Variants in GALNTL6 observed in about 807,000 individuals in gnomAD.
GALNTL6 encodes polypeptide N-acetylgalactosaminyltransferase-like 6.
Under a neutral mutation model 73.7 loss-of-function variants are expected in GALNTL6, and 46 were observed. The observed-to-expected ratio is 0.62, with a 90% confidence interval of 0.49 to 0.80. GALNTL6 has a LOEUF of 0.80. Among genes scored for constraint, GALNTL6 ranks in the 30% least tolerant of loss-of-function variants. The pLI, the probability that GALNTL6 is intolerant of heterozygous loss-of-function variation, is 0.00. For synonymous variants in GALNTL6, 259 were observed against 263.7 expected, an observed-to-expected ratio of 0.98 and a Z score of 0.17; for missense variants, 604 against 755.0, an observed-to-expected ratio of 0.80 and a Z score of 2.34.
At chr4:172,222,259 T>C (rs764374456) in intron 2 of GALNTL6, among the ~76,000 whole-genome samples, 1 of 151,850 alleles carries the variant, frequency 6.6e-6, no homozygotes, top group Non-Finnish European at 1.5e-5. Flanking sequence ...AAAATCTCAT[T>C]AAAAAGTAGT....
At chr4:172,713,144 A>C (rs1281285347) in intron 5 of GALNTL6, among the ~76,000 whole-genome samples, 3 of 152,028 alleles carry the variant, frequency 2.0e-5, no homozygotes, top group African/African-American at 7.2e-5. Context: ...TATACAAGAA[A>C]TTTAATACTG....
intron 2 of GALNTL6, among the ~76,000 whole-genome samples, chr4:172,112,228 C>T (rs551889018): frequency 1.3e-5 from 2 of 152,094 alleles, no homozygotes; most frequent in East Asian, 3.9e-4. Context: ...GGCTTGATAG[C>T]TCACCTCTTT....
intron 2 of GALNTL6, among the ~76,000 whole-genome samples, chr4:172,183,884 C>T (rs980222598): frequency 2.0e-4 from 30 of 151,662 alleles, no homozygotes; most frequent in African/African-American, 7.0e-4. Flanking sequence ...CCTCCACCTC[C>T]CAGGTTCAAG....
At chr4:172,899,099 GGGAGCTTGGTTTTT>G (rs1746486541) in intron 8 of GALNTL6, among the ~76,000 whole-genome samples, 1 of 152,188 alleles carries the variant, frequency 6.6e-6, no homozygotes, top group Non-Finnish European at 1.5e-5. Context: ...AGCTCATTCA[GGGAGCTTGGTTTTT>G]GGAGACGTGA....
intron 2 of GALNTL6, among the ~76,000 whole-genome samples, chr4:172,199,970 AC>A: frequency 6.6e-6 from 1 of 152,304 alleles, no homozygotes; most frequent in East Asian, 1.9e-4. Context: ...CCCTTAAAAA[AC>A]ATCATTCCAA....
chr4:171,953,426 C>T (rs1265305213), intron 2 of GALNTL6, among the ~76,000 whole-genome samples: 1 of 151,946 alleles, frequency 6.6e-6, no homozygotes, highest in African/African-American at 2.4e-5. Flanking sequence ...AAACAGAACC[C>T]CTTATGTGTT....
At chr4:172,499,284 T>C (rs1156347127) in intron 5 of GALNTL6, among the ~76,000 whole-genome samples, 1 of 152,066 alleles carries the variant, frequency 6.6e-6, no homozygotes. Flanking sequence ...TATGACAGGA[T>C]TAGCACCTTA....
At chr4:171,894,239 T>A (rs1048566198) in intron 2 of GALNTL6, among the ~76,000 whole-genome samples, 1 of 152,240 alleles carries the variant, frequency 6.6e-6, no homozygotes, top group Admixed American at 6.5e-5. Flanking sequence ...TACCATGTGC[T>A]GCACTTGATT....
chr4:172,842,384 A>G (rs1232039255), intron 7 of GALNTL6, among the ~76,000 whole-genome samples: 1 of 152,178 alleles, frequency 6.6e-6, no homozygotes, highest in East Asian at 1.9e-4. Context: ...TAGATTACTT[A>G]AACAGAATTA....
chr4:172,497,815 A>C (rs1199695343), intron 5 of GALNTL6, among the ~76,000 whole-genome samples: 2 of 152,122 alleles, frequency 1.3e-5, no homozygotes, highest in Admixed American at 1.3e-4. Flanking sequence ...CTAAGTTGTC[A>C]CTTTCCTGTT....
intron 8 of GALNTL6, among the ~76,000 whole-genome samples, chr4:172,904,607 G>C (rs1017190779): frequency 2.0e-5 from 3 of 152,268 alleles, no homozygotes; most frequent in African/African-American, 7.2e-5. Context: ...CAGTCTTAGA[G>C]AGTTGGTCCT....
chr4:172,611,753 C>T (rs1041141558), intron 5 of GALNTL6, among the ~76,000 whole-genome samples: 1 of 152,060 alleles, frequency 6.6e-6, no homozygotes. Flanking sequence ...TGTAATCAGT[C>T]TACTCTTATC....
At chr4:172,881,830 G>T (rs1190398831) in intron 7 of GALNTL6, among the ~76,000 whole-genome samples, 1 of 152,114 alleles carries the variant, frequency 6.6e-6, no homozygotes, top group African/African-American at 2.4e-5. Context: ...CATTGAAACA[G>T]AAACAGTGTT....
intron 2 of GALNTL6, among the ~76,000 whole-genome samples, chr4:171,955,887 T>C (rs938442567): frequency 3.2e-4 from 48 of 152,318 alleles, no homozygotes; most frequent in African/African-American, 1.0e-3. Flanking sequence ...AGCTTTTCCT[T>C]ATGCAATTAG....
intron 2 of GALNTL6, among the ~76,000 whole-genome samples, chr4:171,954,842 T>A (rs1344789911): frequency 3.3e-5 from 5 of 152,112 alleles, no homozygotes; most frequent in Non-Finnish European, 7.4e-5. Flanking sequence ...TTTAAAAGTG[T>A]GCAGCACTTT....
At chr4:172,425,625 A>G (rs1731200924) in intron 5 of GALNTL6, among the ~76,000 whole-genome samples, 1 of 152,090 alleles carries the variant, frequency 6.6e-6, no homozygotes, top group Non-Finnish European at 1.5e-5. Flanking sequence ...AATAAGAGCA[A>G]ATAGTACCCT....
At chr4:172,269,187 A>G in intron 3 of GALNTL6, among the ~76,000 whole-genome samples, 1 of 152,188 alleles carries the variant, frequency 6.6e-6, no homozygotes, top group Non-Finnish European at 1.5e-5. Context: ...GAGCAAGTCT[A>G]GGCAGAGAGA....
intron 5 of GALNTL6, among the ~76,000 whole-genome samples, chr4:172,385,479 A>G (rs906715501): frequency 9.9e-5 from 15 of 152,176 alleles, no homozygotes; most frequent in African/African-American, 3.4e-4. Context: ...ATGTATTTAT[A>G]CTTGTTATGT....
chr4:173,011,872 G>T (rs995798204), intron 11 of GALNTL6, among the ~76,000 whole-genome samples: 4 of 152,162 alleles, frequency 2.6e-5, no homozygotes, highest in African/African-American at 4.8e-5. Flanking sequence ...AAAAGATAGT[G>T]GGCAAAATTG....
Sources: allele counts gnomAD v4.1 joint callset (sites outside exome capture counted in the v4.1 genomes callset), GRCh38; gene constraint gnomAD v4.1.1; transcripts MANE v1.5; gene names NCBI Gene and HGNC (gene_info 2026-07-23, HGNC 2026-07-21).